The following ABCA8 variants were observed in gnomAD, a reference collection of about 807,000 sequenced individuals.
ABCA8 encodes the protein ATP binding cassette subfamily A member 8.
A neutral mutation model predicts 192.3 loss-of-function variants in ABCA8; 177 were observed. That is an observed-to-expected ratio of 0.92 (90% CI 0.81 to 1.04). The LOEUF (loss-of-function observed/expected upper bound fraction) is 1.04. Among genes scored for constraint, ABCA8 ranks in the 50% least tolerant of loss-of-function variants. The pLI is 0.00. For missense variants in ABCA8, 1,915 were observed against 1,904.8 expected (o/e 1.01, Z -0.10); for synonymous variants, 642 against 690.2 (o/e 0.93, Z 1.09).
chr17:68,932,103 G>T, intron 7 of ABCA8, 185 bp downstream of exon 7: 1 of 452,516 alleles, frequency 2.2e-6, no homozygotes, highest in Non-Finnish European at 4.0e-6. Flanking sequence ...CCAGCTACTT[G>T]GGAGGCCGAG....
At chr17:68,954,096 T>C (rs573111140) in intron 1 of ABCA8, among the ~76,000 whole-genome samples, 1 of 151,882 alleles carries the variant, frequency 6.6e-6, no homozygotes, top group East Asian at 1.9e-4. Context: ...GCAGGTTAGT[T>C]ACATATGTAT....
intron 9 of ABCA8, 68 bp from the exon 10 acceptor site, chr17:68,928,131 G>C: frequency 7.7e-7 from 1 of 1,292,616 alleles, no homozygotes; most frequent in Non-Finnish European, 1.1e-6. Context: ...GTTAGGTTTA[G>C]CATAGTAATG....
chr17:68,951,618 A>T (rs978161201), intron 1 of ABCA8, among the ~76,000 whole-genome samples: 1 of 152,188 alleles, frequency 6.6e-6, no homozygotes, highest in Non-Finnish European at 1.5e-5. Flanking sequence ...TATCTCTGTT[A>T]GTTTTCAGCA....
intron 2 of ABCA8, among the ~76,000 whole-genome samples, chr17:68,946,945 A>AAGAGAGAGAGAGAGAGAGAGAGAC (rs2068426992): frequency 2.0e-5 from 3 of 150,164 alleles, no homozygotes; most frequent in Admixed American, 2.0e-4. Flanking sequence ...CATCAAAAGA[A>AAGAGAGAGAGAGAGAGAGAGAGAC]AGAGAGAGAG....
intron 29 of ABCA8, among the ~76,000 whole-genome samples, chr17:68,883,290 G>T (rs2143304310): frequency 6.6e-6 from 1 of 152,292 alleles, no homozygotes; most frequent in East Asian, 1.9e-4. Context: ...TGTGGTTTGG[G>T]AGACACAGAG....
At chr17:68,904,171 A>G (rs1446619525) in intron 19 of ABCA8, among the ~76,000 whole-genome samples, 2 of 151,820 alleles carry the variant, frequency 1.3e-5, no homozygotes, top group African/African-American at 4.8e-5. Flanking sequence ...AGTCGCAGCT[A>G]CTCGGGAAGC....
At chr17:68,887,941 A>G (rs1220455052) in intron 24 of ABCA8, among the ~76,000 whole-genome samples, 4 of 108,204 alleles carry the variant, frequency 3.7e-5, no homozygotes, top group Admixed American at 1.1e-4. Context: ...ATGGATATAT[A>G]TATTATATAT....
chr17:68,891,691 T>C, intron 23 of ABCA8, 95 bp from the exon 24 acceptor site: 1 of 900,174 alleles, frequency 1.1e-6, no homozygotes, highest in Admixed American at 2.4e-5. Flanking sequence ...GTTTACATAA[T>C]TCTGCCTTAG....
At chr17:68,936,220 G>C (rs1359737770) in intron 5 of ABCA8, among the ~76,000 whole-genome samples, 4 of 151,076 alleles carry the variant, frequency 2.6e-5, no homozygotes, top group Admixed American at 2.6e-4. Context: ...TGTTGTATTT[G>C]CTTTTGAGAA....
chr17:68,932,625 C>G, intron 6 of ABCA8, 111 bp from the exon 7 acceptor site: 1 of 797,972 alleles, frequency 1.3e-6, no homozygotes, highest in Non-Finnish European at 2.0e-6. Flanking sequence ...GGATTTGATA[C>G]TAACCTAAAT....
At chr17:68,940,713 A>G (rs2068200847) in intron 4 of ABCA8, 45 bp downstream of exon 4, 3 of 1,536,888 alleles carry the variant, frequency 2.0e-6, no homozygotes, top group Non-Finnish European at 2.7e-6. Context: ...CAAATAAACC[A>G]AATATTCACA....
chr17:68,871,012 T>C (rs1445415846), intron 37 of ABCA8, among the ~76,000 whole-genome samples: 1 of 152,190 alleles, frequency 6.6e-6, no homozygotes, highest in African/African-American at 2.4e-5. Flanking sequence ...AGTTATTTTT[T>C]TGGGGGGAAT....
chr17:68,918,094 A>G lies in ABCA8; in HGVS notation c.2000T>C (p.Val667Ala), dbSNP rs2067425837. The G allele has an allele frequency of 1.9e-6, 3 of 1,614,106 alleles. No individual in the cohort carries two copies. Among genetic ancestry groups the G allele is most frequent in the South Asian group, 1.1e-5 (1 of 91,092 alleles). ...NLLKERKTDR[V>A]ILFSTQFMDE... ...CATGAACTGGGTACTGAAGAGGATCACGCGGTCTGTTTTGCGTTCTTTCAG... is the reference window on the plus strand; with the variant it reads ...CATGAACTGGGTACTGAAGAGGATCGCGCGGTCTGTTTTGCGTTCTTTCAG... Residue 667 changes from valine (V) to alanine (A), a missense_variant, in exon 16 of 40, where the codon GTG (valine) becomes GCG (alanine). Transcript: ENST00000586539.
intron 10 of ABCA8, among the ~76,000 whole-genome samples, chr17:68,925,923 A>T (rs958282821): frequency 1.3e-5 from 2 of 152,230 alleles, no homozygotes; most frequent in Non-Finnish European, 2.9e-5. Flanking sequence ...ACAATTAGGA[A>T]GAAAATGGAG....
At chr17:68,891,443 C>T (rs374832757) in intron 24 of ABCA8, 46 bp downstream of exon 24, 2 of 1,374,268 alleles carry the variant, frequency 1.5e-6, no homozygotes, top group African/African-American at 1.4e-5. Context: ...TTACCTTCTG[C>T]TTTCAATTAT....
intron 17 of ABCA8, among the ~76,000 whole-genome samples, chr17:68,910,738 T>G (rs1080499): frequency 0.13 from 19,759 of 152,094 alleles, 3,088 homozygotes; most frequent in African/African-American, 0.37. Flanking sequence ...CCAACTTGCA[T>G]ACAAGCTCAG....
chr17:68,888,094 C>A (rs1299570055), intron 24 of ABCA8, among the ~76,000 whole-genome samples: 1 of 148,528 alleles, frequency 6.7e-6, no homozygotes, highest in Non-Finnish European at 1.5e-5. Context: ...CACACATACA[C>A]ACACACACAC....
At chr17:68,918,264 ATTATAT>A in intron 15 of ABCA8, 79 bp from the exon 16 acceptor site, 1 of 1,567,152 alleles carries the variant, frequency 6.4e-7, no homozygotes, top group East Asian at 2.3e-5. Flanking sequence ...AACCATATTG[ATTATAT>A]TTAACAGAGT....
intron 15 of ABCA8, 102 bp downstream of exon 15, chr17:68,918,325 A>G: frequency 6.7e-7 from 1 of 1,486,006 alleles, no homozygotes; most frequent in South Asian, 1.3e-5. Flanking sequence ...TCTATTATGA[A>G]TATTTTATAA....
Sources: allele counts gnomAD v4.1 joint callset (sites outside exome capture counted in the v4.1 genomes callset), GRCh38; gene constraint gnomAD v4.1.1; transcripts MANE v1.5; gene names NCBI Gene and HGNC (gene_info 2026-07-23, HGNC 2026-07-21).